SLC9A2: variants seen among roughly 807,000 people sequenced by gnomAD.
The protein encoded by SLC9A2 is solute carrier family 9 member A2, also known as sodium/hydrogen exchanger 2.
SLC9A2 carries 42 observed loss-of-function variants against 71.7 expected under a neutral mutation model. The observed-to-expected ratio is 0.59, with a 90% CI of 0.46 to 0.76. The LOEUF is 0.76. Ranked by LOEUF, SLC9A2 falls within the 30% of genes least tolerant of loss-of-function variation. The pLI is 0.00. For missense variants in SLC9A2, 829 were observed against 1,017.4 expected, an observed-to-expected ratio of 0.81 and a Z score of 2.52; for synonymous variants, 396 against 392.5, an observed-to-expected ratio of 1.01 and a Z score of -0.10.
intron 1 of SLC9A2, among the ~76,000 whole-genome samples, chr2:102,650,498 T>A (rs536001743): frequency 1.2e-3 from 182 of 152,272 alleles, no homozygotes; most frequent in African/African-American, 4.2e-3. Context: ...AAATAAAAAA[T>A]AATTAAAAAA....
intron 5 of SLC9A2, among the ~76,000 whole-genome samples, chr2:102,692,222 A>G (rs1235928052): frequency 6.6e-6 from 1 of 152,212 alleles, no homozygotes; most frequent in African/African-American, 2.4e-5. Flanking sequence ...TGTGTTTTAT[A>G]CCAAATTTGG....
intron 1 of SLC9A2, among the ~76,000 whole-genome samples, chr2:102,643,717 C>G (rs537806937): frequency 1.3e-5 from 2 of 152,102 alleles, no homozygotes; most frequent in African/African-American, 4.8e-5. Flanking sequence ...ACTCCATCTT[C>G]CCAAAAACAG....
At chr2:102,639,334 AC>A (rs1256049608) in intron 1 of SLC9A2, among the ~76,000 whole-genome samples, 7 of 152,296 alleles carry the variant, frequency 4.6e-5, no homozygotes, top group African/African-American at 1.7e-4. Context: ...TACTTGTTTT[AC>A]CTTTTGAGCT....
chr2:102,692,518 G>T (rs1677683055), intron 5 of SLC9A2, among the ~76,000 whole-genome samples: 2 of 152,142 alleles, frequency 1.3e-5, no homozygotes, highest in African/African-American at 4.8e-5. Context: ...AGGCCAGGAA[G>T]TAGTGGCCAT....
At chr2:102,652,564 C>T (rs377336851) in intron 1 of SLC9A2, among the ~76,000 whole-genome samples, 3 of 152,150 alleles carry the variant, frequency 2.0e-5, no homozygotes, top group South Asian at 4.1e-4. Flanking sequence ...CCTCACACCC[C>T]CACTTCTCAT....
intron 2 of SLC9A2, among the ~76,000 whole-genome samples, chr2:102,661,903 G>A (rs898191129): frequency 7.9e-5 from 12 of 152,124 alleles, no homozygotes; most frequent in African/African-American, 2.7e-4. Context: ...AACACTTCTC[G>A]GCATAGATTC....
chr2:102,660,350 G>A (rs989574361), intron 2 of SLC9A2, among the ~76,000 whole-genome samples: 9 of 152,170 alleles, frequency 5.9e-5, no homozygotes, highest in Non-Finnish European at 1.0e-4. Flanking sequence ...AACCACTGTC[G>A]TGGTTTCATA....
Position 102,665,215 on chromosome 2 carries a change from TC to T in SLC9A2, c.870del (p.Phe291SerfsTer5). 1 of 1,614,102 alleles carries T rather than the reference TC, an allele frequency of 6.2e-7. No homozygotes were observed. The highest frequency in any genetic ancestry group is 8.5e-7 in the Non-Finnish European group (1 of 1,180,014). On this transcript the variant is annotated frameshift_variant, in exon 3 of 12. Coordinates refer to ENST00000233969, the MANE Select transcript of SLC9A2 (RefSeq NM_003048.6). LOFTEE classifies it high-confidence loss of function. ...GGAATCGGTGGGGTGCTGATTGGCATCTTCTTGGGCTTTATAGCGGCATTTA... is the reference window on the plus strand; with the variant it reads ...GGAATCGGTGGGGTGCTGATTGGCATTTCTTGGGCTTTATAGCGGCATTTA... The part of the protein sequence containing the change: ...VVGIGGVLIG[I>X]FLGFIAAFTT...
chr2:102,695,781 T>TATATATATTATATATATATA lies in SLC9A2; in HGVS notation c.1586+687_1586+688insAATATATATTATATATATAT, dbSNP rs1553429154. Among the ~76,000 whole-genome samples the TATATATATTATATATATATA allele has an allele frequency of 3.7e-3, 57 of 15,514 alleles. 2 individuals carry two copies. The highest frequency in any genetic ancestry group is 6.3e-3 in the African/African-American group (51 of 8,090). 10.2% of individuals were successfully genotyped at this position (15,514 alleles called of 152,430 possible). On this transcript the variant is annotated intron_variant, in intron 7 of 11. Coordinates refer to ENST00000233969, the MANE Select transcript of SLC9A2 (RefSeq NM_003048.6). ...GTGTATATATATATAATATATATTATATATATATTATATATATATTATATA... is the reference window on the plus strand; with the variant it reads ...GTGTATATATATATAATATATATTATATATATATTATATATATATAATATATATTATATATATATTATATA...
chr2:102,643,302 C>T (rs1348417416), intron 1 of SLC9A2, among the ~76,000 whole-genome samples: 1 of 152,142 alleles, frequency 6.6e-6, no homozygotes, highest in African/African-American at 2.4e-5. Flanking sequence ...ATAGAAAAGC[C>T]AGGGTGTTCC....
intron 3 of SLC9A2, among the ~76,000 whole-genome samples, chr2:102,667,149 A>C (rs748744607): frequency 7.2e-5 from 11 of 152,226 alleles, no homozygotes; most frequent in Admixed American, 2.0e-4. Context: ...GCAACGCATT[A>C]ATCTAGTTTG....
intron 1 of SLC9A2, among the ~76,000 whole-genome samples, chr2:102,640,444 T>C (rs1411402803): frequency 2.0e-5 from 3 of 151,848 alleles, no homozygotes; most frequent in Middle Eastern, 3.4e-3. Flanking sequence ...CCCATACTTT[T>C]GACCAGCTGG....
intron 10 of SLC9A2, among the ~76,000 whole-genome samples, chr2:102,705,237 A>G (rs1243629005): frequency 2.6e-5 from 4 of 152,124 alleles, no homozygotes; most frequent in African/African-American, 9.7e-5. Context: ...ATTGTGATAT[A>G]TTGGTTTCAC....
chr2:102,653,331 AT>A (rs1223245201), intron 1 of SLC9A2, among the ~76,000 whole-genome samples: 1 of 152,100 alleles, frequency 6.6e-6, no homozygotes, highest in Non-Finnish European at 1.5e-5. Context: ...AAACCATCTT[AT>A]TTTTTTCAAC....
chr2:102,708,947 G>GA lies in SLC9A2; in HGVS notation c.*458_*459insA, dbSNP rs1678043113. On this transcript the variant is annotated 3_prime_UTR_variant, in exon 12 of 12. Transcript: ENST00000233969. Reference sequence around the variant, plus strand: ...TCCCAGGGGTGAAGGATGGCGCTCGGGGGTGACTCCTAAGCTCAGCGTGGA... The same window carrying GA: ...TCCCAGGGGTGAAGGATGGCGCTCGGAGGGTGACTCCTAAGCTCAGCGTGGA... 6.0e-6 allele frequency: 1 copy of GA among 165,604 alleles called. No homozygotes were observed. Among genetic ancestry groups the GA allele is most frequent in the African/African-American group, 2.4e-5 (1 of 41,510 alleles). The allele number at this position is 165,604 out of a possible 1,614,324, so 10.3% of individuals were successfully genotyped here.
At chr2:102,698,035 T>C (rs1455015445) in intron 7 of SLC9A2, among the ~76,000 whole-genome samples, 3 of 152,188 alleles carry the variant, frequency 2.0e-5, no homozygotes, top group Non-Finnish European at 4.4e-5. Context: ...GCACTATCCC[T>C]ACACGAAATA....
intron 1 of SLC9A2, among the ~76,000 whole-genome samples, chr2:102,631,561 T>C (rs532303267): frequency 1.3e-5 from 2 of 152,214 alleles, no homozygotes; most frequent in East Asian, 3.9e-4. Context: ...TGAACTCAGC[T>C]AGATATTAAT....
At position 102,683,620 on chromosome 2, in the gene SLC9A2, C is replaced by T. The variant is rs1270211554; in HGVS notation, c.1222+142C>T. The stretch of plus-strand genomic sequence containing the variant: ...CTTCTTTCTTACCTACGTCTTCCTC[C>T]TCTTCTTCCTCTTCCTCCTTTACTT... On this transcript the variant is annotated intron_variant, in intron 4 of 11. Transcript: ENST00000233969. 4.6e-6 allele frequency: 3 copies of T among 657,356 alleles called. No individual in the cohort carries two copies. The East Asian group carries it at 8.0e-5, about 18-fold the overall frequency. 40.7% of individuals were successfully genotyped at this position (657,356 alleles called of 1,614,324 possible). A position where few individuals can be genotyped will look rare whatever the true frequency, so the allele number is the denominator to read the frequency against.
chr2:102,668,515 A>T (rs146912198), intron 3 of SLC9A2, among the ~76,000 whole-genome samples: 12 of 152,308 alleles, frequency 7.9e-5, no homozygotes, highest in African/African-American at 2.6e-4. Flanking sequence ...AATTGTACTG[A>T]GTTTAGAAAT....
Sources: gnomAD v4.1 joint callset for allele counts (sites outside exome capture counted in the v4.1 genomes callset) on GRCh38, gnomAD v4.1.1 for gene constraint, MANE v1.5 for transcripts, NCBI Gene and HGNC (gene_info 2026-07-23, HGNC 2026-07-21) for gene names.